Variants in GRM8 observed in about 807,000 individuals in gnomAD.
The protein encoded by GRM8 is metabotropic glutamate receptor 8.
A neutral mutation model predicts 87.2 loss-of-function variants in GRM8; 47 were observed. The observed-to-expected ratio is 0.54, with a 90% CI of 0.43 to 0.69. The LOEUF (loss-of-function observed/expected upper bound fraction) is 0.69, where lower values mean the gene tolerates loss of function less well. Ranked by LOEUF, GRM8 falls within the 30% of genes least tolerant of loss-of-function variation. The pLI is 0.00. For synonymous variants in GRM8, 396 were observed against 404.5 expected, an observed-to-expected ratio of 0.98 and a Z score of 0.25; for missense variants, 1,019 against 1,139.2, an observed-to-expected ratio of 0.89 and a Z score of 1.52.
At chr7:127,147,308 A>G (rs1334878258) in intron 2 of GRM8, among the ~76,000 whole-genome samples, 1 of 152,082 alleles carries the variant, frequency 6.6e-6, no homozygotes, top group East Asian at 1.9e-4. Context: ...CAGAAAGTAA[A>G]AATGCTTCCT....
chr7:127,205,186 T>G (rs556190887), intron 2 of GRM8, among the ~76,000 whole-genome samples: 1 of 152,312 alleles, frequency 6.6e-6, no homozygotes, highest in African/African-American at 2.4e-5. Context: ...GCTGGCCCTG[T>G]ATGTTATTTT....
chr7:126,993,381 G>C (rs925826557), intron 3 of GRM8, among the ~76,000 whole-genome samples: 2 of 152,156 alleles, frequency 1.3e-5, no homozygotes, highest in African/African-American at 4.8e-5. Context: ...CATATGCTAC[G>C]ACATAGATGA....
At chr7:126,582,346 G>A (rs1049657752) in intron 8 of GRM8, among the ~76,000 whole-genome samples, 1 of 152,152 alleles carries the variant, frequency 6.6e-6, no homozygotes, top group Non-Finnish European at 1.5e-5. Flanking sequence ...GTCTATGAAA[G>A]CTGGCAGAGG....
intron 2 of GRM8, chr7:127,219,383 A>G (rs1796774189): frequency 6.6e-6 from 1 of 152,200 alleles, no homozygotes; most frequent in Non-Finnish European, 1.5e-5. Context: ...TCTTCTAAGG[A>G]GGTACTTAAA....
chr7:127,241,524 C>T lies in GRM8; in HGVS notation c.510+1171G>A, dbSNP rs139006308. Among the ~76,000 whole-genome samples the T allele has an allele frequency of 2.0e-3, 298 of 151,732 alleles. 3 individuals are homozygous for T. The highest frequency in any genetic ancestry group is 2.9e-3 in the Non-Finnish European group (196 of 67,940). ...TCTCGGCTCATCGCAACCTCCACCT[C>T]CCAGGTTCAAGCGATTCTCCTCCCT... On this transcript the variant is annotated intron_variant, in intron 2 of 10. Coordinates refer to ENST00000339582, the MANE Select transcript of GRM8 (RefSeq NM_000845.3).
intron 9 of GRM8, among the ~76,000 whole-genome samples, chr7:126,519,523 A>G (rs1388331985): frequency 2.0e-5 from 3 of 152,100 alleles, no homozygotes; most frequent in Non-Finnish European, 4.4e-5. Flanking sequence ...CCCTTTAAAA[A>G]AGTCTCTTCT....
intron 7 of GRM8, among the ~76,000 whole-genome samples, chr7:126,754,407 T>G (rs1327326330): frequency 6.6e-6 from 1 of 151,876 alleles, no homozygotes; most frequent in East Asian, 1.9e-4. Flanking sequence ...TCTTGTTCAA[T>G]TCTTAAGATT....
At chr7:127,068,764 G>A (rs1167729390) in intron 3 of GRM8, among the ~76,000 whole-genome samples, 2 of 152,180 alleles carry the variant, frequency 1.3e-5, no homozygotes, top group African/African-American at 2.4e-5. Flanking sequence ...ACCACACAGT[G>A]AGGAGGAATA....
At chr7:126,764,455 G>A (rs1817972121) in intron 7 of GRM8, among the ~76,000 whole-genome samples, 1 of 151,982 alleles carries the variant, frequency 6.6e-6, no homozygotes. Context: ...ATTTTCTAAT[G>A]TTAAACTATA....
chr7:126,565,228 C>A (rs1349282287), intron 8 of GRM8, among the ~76,000 whole-genome samples: 1 of 151,942 alleles, frequency 6.6e-6, no homozygotes, highest in African/African-American at 2.4e-5. Context: ...TAAAAGGTAT[C>A]CAAATTGGAA....
At chr7:126,651,814 A>G (rs1333878015) in intron 7 of GRM8, among the ~76,000 whole-genome samples, 1 of 151,954 alleles carries the variant, frequency 6.6e-6, no homozygotes, top group Non-Finnish European at 1.5e-5. Context: ...CAGTAGATCA[A>G]TTGCGGCGTC....
intron 6 of GRM8, among the ~76,000 whole-genome samples, chr7:126,836,060 T>G (rs1795803817): frequency 6.6e-6 from 1 of 152,196 alleles, no homozygotes; most frequent in South Asian, 2.1e-4. Context: ...ATCAAAAGCA[T>G]CATGCAACCA....
chr7:126,566,364 A>T (rs565936196), intron 8 of GRM8, among the ~76,000 whole-genome samples: 8 of 152,300 alleles, frequency 5.3e-5, no homozygotes, highest in Middle Eastern at 3.4e-3. Context: ...TAGGCAGAAT[A>T]GTTGAATACA....
intron 6 of GRM8, among the ~76,000 whole-genome samples, chr7:126,801,599 T>C (rs1033671303): frequency 7.5e-4 from 61 of 80,890 alleles, no homozygotes; most frequent in Non-Finnish European, 9.9e-4. Flanking sequence ...CTTTTCTGTA[T>C]TATATAATTT....
chr7:126,546,708 T>C, intron 8 of GRM8, among the ~76,000 whole-genome samples: 1 of 152,222 alleles, frequency 6.6e-6, no homozygotes, highest in Non-Finnish European at 1.5e-5. Flanking sequence ...GTTTGTTTCA[T>C]GGTTTGAGAA....
At chr7:126,863,253 G>A (rs1798290549) in intron 6 of GRM8, among the ~76,000 whole-genome samples, 1 of 151,966 alleles carries the variant, frequency 6.6e-6, no homozygotes, top group South Asian at 2.1e-4. Flanking sequence ...CAGCTATATG[G>A]GGAAGTTGGG....
At chr7:127,157,901 A>C (rs568085563) in intron 2 of GRM8, among the ~76,000 whole-genome samples, 1 of 152,270 alleles carries the variant, frequency 6.6e-6, no homozygotes, top group Non-Finnish European at 1.5e-5. Flanking sequence ...AGGGAATTGG[A>C]GCAGTGATCA....
intron 2 of GRM8, among the ~76,000 whole-genome samples, chr7:127,158,203 C>T (rs1339502697): frequency 2.0e-5 from 3 of 152,168 alleles, no homozygotes; most frequent in African/African-American, 4.8e-5. Flanking sequence ...GTCCTTACCC[C>T]ACCTCAAGAG....
At chr7:126,879,792 G>A (rs990795612) in intron 6 of GRM8, among the ~76,000 whole-genome samples, 28 of 152,046 alleles carry the variant, frequency 1.8e-4, no homozygotes, top group African/African-American at 3.4e-4. Flanking sequence ...ATTTAAGGGC[G>A]AGTATTATAC....
Sources: allele counts gnomAD v4.1 joint callset (sites outside exome capture counted in the v4.1 genomes callset), GRCh38; gene constraint gnomAD v4.1.1; transcripts MANE v1.5; gene names NCBI Gene and HGNC (gene_info 2026-07-23, HGNC 2026-07-21).